Variants in PRKCZ observed in about 807,000 individuals in gnomAD.
PRKCZ encodes protein kinase C zeta.
In PRKCZ, 33 loss-of-function variants were observed where a neutral mutation model predicts 79.5. The ratio of observed to expected loss-of-function variants is 0.41; its 90% CI spans 0.31 to 0.55. The LOEUF (loss-of-function observed/expected upper bound fraction) is 0.55. PRKCZ is among the 20% of genes least tolerant of loss of function. PRKCZ has a pLI of 0.19. For synonymous variants in PRKCZ, 342 were observed against 320.9 expected, an observed-to-expected ratio of 1.07 and a Z score of -0.70; for missense variants, 578 against 813.5, an observed-to-expected ratio of 0.71 and a Z score of 3.52.
intron 4 of PRKCZ, chr1:2,074,554 T>C (rs1444817165): frequency 1.8e-6 from 1 of 569,848 alleles, no homozygotes; most frequent in Admixed American, 3.1e-5. Context: ...GGGCTGGTAG[T>C]GGTAACAGCC....
intron 11 of PRKCZ, chr1:2,171,703 T>C: frequency 4.6e-6 from 1 of 219,138 alleles, no homozygotes; most frequent in Non-Finnish European, 9.1e-6. Context: ...CGGACTGTCT[T>C]CCGCAGCAGC....
chr1:2,141,867 C>T (rs1677390526), intron 5 of PRKCZ: 1 of 316,214 alleles, frequency 3.2e-6, no homozygotes, highest in Non-Finnish European at 6.1e-6. Flanking sequence ...TCTGCACAGC[C>T]AAAGTGCCTC....
chr1:2,060,938 G>A (rs1660618064), intron 4 of PRKCZ, among the ~76,000 whole-genome samples: 1 of 152,194 alleles, frequency 6.6e-6, no homozygotes, highest in Admixed American at 6.5e-5. Flanking sequence ...ACGCCTCACG[G>A]ACCCTGGAGC....
intron 3 of PRKCZ, among the ~76,000 whole-genome samples, chr1:2,058,963 C>T (rs1368155125): frequency 6.6e-6 from 1 of 152,016 alleles, no homozygotes; most frequent in Non-Finnish European, 1.5e-5. Context: ...TGTATACACA[C>T]ACACATAAAA....
At chr1:2,119,213 C>CTTTTTTTTTTTT (rs201938015) in intron 4 of PRKCZ, among the ~76,000 whole-genome samples, 1 of 126,436 alleles carries the variant, frequency 7.9e-6, no homozygotes, top group Non-Finnish European at 1.6e-5. Context: ...TTATTTTTTC[C>CTTTTTTTTTTTT]TTTTTTTTTT....
At chr1:2,050,783 G>C in intron 1 of PRKCZ, 82 bp downstream of exon 1, 1 of 919,388 alleles carries the variant, frequency 1.1e-6, no homozygotes. Flanking sequence ...TCCTGCGCGA[G>C]AGGGAGAGAG....
At chr1:2,159,637 C>T (rs779468910) in intron 10 of PRKCZ, among the ~76,000 whole-genome samples, 13 of 152,208 alleles carry the variant, frequency 8.5e-5, no homozygotes, top group Non-Finnish European at 1.8e-4. Context: ...CGGCCATGTT[C>T]GTGTCCACTG....
At chr1:2,111,783 C>T (rs994518639) in intron 4 of PRKCZ, 1 of 152,344 alleles carries the variant, frequency 6.6e-6, no homozygotes, top group Non-Finnish European at 1.5e-5. Context: ...GTTTCTTGCC[C>T]TTTGACCTAC....
intron 4 of PRKCZ, among the ~76,000 whole-genome samples, chr1:2,088,656 A>G (rs1266264086): frequency 6.6e-6 from 1 of 152,120 alleles, no homozygotes; most frequent in Non-Finnish European, 1.5e-5. Context: ...TCTCCTTTCT[A>G]GGTCAGGCTG....
chr1:2,153,420 C>T (rs1680296625), intron 9 of PRKCZ, among the ~76,000 whole-genome samples: 2 of 152,370 alleles, frequency 1.3e-5, no homozygotes, highest in South Asian at 4.1e-4. Flanking sequence ...CCCTCCTCGC[C>T]AGCCATGCTC....
chr1:2,056,561 CTCA>C lies in PRKCZ; in HGVS notation c.276_278del (p.Ile93del). On this transcript the variant is annotated inframe_deletion, in exon 3 of 18. Coordinates refer to ENST00000378567, the MANE Select transcript of PRKCZ (RefSeq NM_002744.6). ...GGCCCGTCAGTGCAGGGATGAAGGC[CTCA>C]TCATTCATGGTTAGTGGCGGGGTCT... The C allele has an allele frequency of 5.0e-6, 8 of 1,613,362 alleles. No homozygotes were observed. Among genetic ancestry groups the C allele is most frequent in the Non-Finnish European group, 6.8e-6 (8 of 1,179,708 alleles).
At chr1:2,083,053 G>A (rs143190418) in intron 4 of PRKCZ, among the ~76,000 whole-genome samples, 3 of 152,288 alleles carry the variant, frequency 2.0e-5, no homozygotes, top group Admixed American at 1.3e-4. Flanking sequence ...ATTTAGGGCG[G>A]CTGTACAGTG....
rs187001509 is a variant in PRKCZ at position 2,074,122 on chromosome 1, G to A, written c.334+14531G>A. The A allele has an allele frequency of 3.5e-4, 535 of 1,525,456 alleles. 4 individuals carry two copies. The East Asian group carries it at 0.012, about 35-fold the overall frequency. 94.5% of individuals were successfully genotyped at this position (1,525,456 alleles called of 1,614,324 possible). A position where few individuals can be genotyped will look rare whatever the true frequency, so the allele number is the denominator to read the frequency against. On this transcript the variant is annotated intron_variant, in intron 4 of 17. Transcript: ENST00000378567. ...GCTGGTGCCACGGCCCGGGGAAGGC[G>A]TGCGGCTGCAGCAGCTCCCAGCAAT...
chr1:2,174,162 C>G lies in PRKCZ; in HGVS notation c.1405+146C>G, dbSNP rs1178156338. ...GGGAACCATTCCTCCTGGCCAGACC[C>G]TGTGTCACATGCCACTCCCCGGGCC... On this transcript the variant is annotated intron_variant, in intron 14 of 17. Transcript: ENST00000378567. This position sits in a 1 kb window ranked among gnomAD's most constrained non-coding sequence, Gnocchi z 6.2. 1 of 1,158,726 alleles carries G rather than the reference C, an allele frequency of 8.6e-7. No individual in the cohort carries two copies. The highest frequency in any genetic ancestry group is 1.2e-6 in the Non-Finnish European group (1 of 865,398). The allele number at this position is 1,158,726 out of a possible 1,614,324, so 71.8% of individuals were successfully genotyped here.
intron 4 of PRKCZ, among the ~76,000 whole-genome samples, chr1:2,130,854 C>G (rs993796524): frequency 6.6e-6 from 1 of 152,276 alleles, no homozygotes; most frequent in Non-Finnish European, 1.5e-5. Flanking sequence ...TACAGTGAAC[C>G]ATTGCAGGCC....
chr1:2,080,722 C>T (rs1344089983), intron 4 of PRKCZ, among the ~76,000 whole-genome samples: 2 of 152,178 alleles, frequency 1.3e-5, no homozygotes, highest in Non-Finnish European at 2.9e-5. Flanking sequence ...CCTCAGTCTC[C>T]CCTCCTGCCC....
At chr1:2,090,545 C>T (rs1335124152) in intron 4 of PRKCZ, among the ~76,000 whole-genome samples, 2 of 152,230 alleles carry the variant, frequency 1.3e-5, no homozygotes, top group African/African-American at 4.8e-5. Flanking sequence ...CTAAAGTCTG[C>T]CCCGGTCCCT....
At chr1:2,051,081 A>G (rs1027843852) in intron 1 of PRKCZ, 1 of 169,270 alleles carries the variant, frequency 5.9e-6, no homozygotes, top group Non-Finnish European at 1.3e-5. Flanking sequence ...GCGTTTCCTA[A>G]ACGTTCTCCA....
At chr1:2,175,551 ACTCCAACCCCTACACCCCCAACCC>A (rs201910396) in intron 16 of PRKCZ, among the ~76,000 whole-genome samples, 10,073 of 28,552 alleles carry the variant, frequency 0.35, 459 homozygotes, top group South Asian at 0.41. Context: ...ACCCAACCCC[ACTCCAACCCCTACACCCCCAACCC>A]CTCCAACCCC....
Sources: gnomAD v4.1 joint callset for allele counts (sites outside exome capture counted in the v4.1 genomes callset) on GRCh38, gnomAD v4.1.1 for gene constraint, Gnocchi (gnomAD v3.1) non-coding constraint, MANE v1.5 for transcripts, NCBI Gene and HGNC (gene_info 2026-07-23, HGNC 2026-07-21) for gene names.